The following KGD4 variants were observed in gnomAD, a reference collection of about 807,000 sequenced individuals.
KGD4 encodes the protein alpha-ketoglutarate dehydrogenase component 4.
chr5:69,226,255 C>A, the KGD4 span: 1 of 942,380 alleles, frequency 1.1e-6, no homozygotes, highest in South Asian at 1.5e-5. Context: ...GTAATTTTAA[C>A]AAACGTATCT....
the KGD4 span, among the ~76,000 whole-genome samples, chr5:69,228,573 G>T: frequency 1.3e-5 from 2 of 152,156 alleles, no homozygotes; most frequent in Non-Finnish European, 2.9e-5. Flanking sequence ...CTGTAAATAT[G>T]CATGATATAT....
chr5:69,218,061 G>T, the KGD4 span: 1 of 870,464 alleles, frequency 1.1e-6, no homozygotes. Context: ...AGTGAGGTGG[G>T]TCCGGCGCCG....
At chr5:69,225,501 G>A in the KGD4 span, among the ~76,000 whole-genome samples, 119 of 151,218 alleles carry the variant, frequency 7.9e-4, 1 homozygote, top group African/African-American at 2.8e-3. Flanking sequence ...TCCTGACCTC[G>A]TGATCCACCT....
the KGD4 span, chr5:69,228,401 C>G: frequency 6.3e-7 from 1 of 1,586,808 alleles, no homozygotes; most frequent in Admixed American, 1.9e-5. Context: ...TGTCGTTGCT[C>G]TTTATCCCAA....
the KGD4 span, among the ~76,000 whole-genome samples, chr5:69,222,993 G>C: frequency 6.8e-6 from 1 of 147,528 alleles, no homozygotes; most frequent in East Asian, 2.0e-4. Context: ...GGCCAGGCTG[G>C]TCTTGAATTC....
At chr5:69,222,355 A>G in the KGD4 span, among the ~76,000 whole-genome samples, 1 of 152,200 alleles carries the variant, frequency 6.6e-6, no homozygotes, top group Non-Finnish European at 1.5e-5. Context: ...GGGAGATTTC[A>G]TGGCAGAGGA....
At chr5:69,227,332 C>CAGAGAATAA in the KGD4 span, among the ~76,000 whole-genome samples, 1 of 152,168 alleles carries the variant, frequency 6.6e-6, no homozygotes, top group Non-Finnish European at 1.5e-5. Flanking sequence ...ATAACCATTC[C>CAGAGAATAA]TGTTTCTCTC....
the KGD4 span, chr5:69,228,284 T>C: frequency 6.2e-7 from 1 of 1,610,548 alleles, no homozygotes; most frequent in South Asian, 1.1e-5. Flanking sequence ...TCACCAGATT[T>C]GCTGATGTAT....
chr5:69,226,537 T>C, the KGD4 span: 6 of 622,158 alleles, frequency 9.6e-6, no homozygotes, highest in Non-Finnish European at 1.6e-5. Context: ...TAGTGCCTTA[T>C]GTAGCATGCA....
At chr5:69,227,017 A>G in the KGD4 span, among the ~76,000 whole-genome samples, 1 of 152,012 alleles carries the variant, frequency 6.6e-6, no homozygotes, top group Non-Finnish European at 1.5e-5. Flanking sequence ...GATTACAGGC[A>G]TACACTAGCA....
At chr5:69,218,180 C>T in the KGD4 span, 1 of 403,838 alleles carries the variant, frequency 2.5e-6, no homozygotes, top group Non-Finnish European at 4.4e-6. Flanking sequence ...TAGGCGTGTG[C>T]GGGTGAGGCG....
the KGD4 span, among the ~76,000 whole-genome samples, chr5:69,220,438 T>A: frequency 2.0e-5 from 3 of 152,034 alleles, no homozygotes; most frequent in African/African-American, 7.2e-5. Context: ...GGAAGATTGC[T>A]TGAGCCAGGA....
At chr5:69,229,249 C>A in the KGD4 span, 62 of 1,604,308 alleles carry the variant, frequency 3.9e-5, no homozygotes, top group Admixed American at 9.9e-4. Context: ...TGTTTGTCAT[C>A]AGACAATAGA....
the KGD4 span, among the ~76,000 whole-genome samples, chr5:69,225,147 C>T: frequency 6.6e-6 from 1 of 151,342 alleles, no homozygotes; most frequent in Non-Finnish European, 1.5e-5. Context: ...CTCTGTTGCC[C>T]AGGCTGGAGT....
At chr5:69,223,159 ACC>A in the KGD4 span, among the ~76,000 whole-genome samples, 1 of 136,010 alleles carries the variant, frequency 7.4e-6, no homozygotes, top group Non-Finnish European at 1.5e-5. Context: ...GCTCACTGCA[ACC>A]TCTGCCTCCC....
At chr5:69,230,035 A>T in the KGD4 span, 1 of 151,798 alleles carries the variant, frequency 6.6e-6, no homozygotes, top group Non-Finnish European at 1.5e-5. Flanking sequence ...GAGCCTCATA[A>T]AATCAACATA....
chr5:69,217,882 T>G, the KGD4 span: 1 of 1,613,902 alleles, frequency 6.2e-7, no homozygotes, highest in African/African-American at 1.3e-5. Flanking sequence ...GTAAAGCAAT[T>G]TGTCGCGTTT....
At chr5:69,218,469 A>AAT in the KGD4 span, among the ~76,000 whole-genome samples, 7 of 52,084 alleles carry the variant, frequency 1.3e-4, no homozygotes, top group Admixed American at 2.4e-4. Flanking sequence ...TGTGTATATT[A>AAT]ATGTGTGTGT....
the KGD4 span, among the ~76,000 whole-genome samples, chr5:69,226,775 G>A: frequency 2.0e-5 from 3 of 152,014 alleles, no homozygotes; most frequent in South Asian, 2.1e-4. Context: ...TTGAACCCAC[G>A]AGGCGGAGGT....
Sources: allele counts gnomAD v4.1 joint callset (sites outside exome capture counted in the v4.1 genomes callset), GRCh38; gene constraint gnomAD v4.1.1; transcripts MANE v1.5; gene names NCBI Gene and HGNC (gene_info 2026-07-23, HGNC 2026-07-21).